USP32: variants seen among roughly 807,000 people sequenced by gnomAD.
USP32 encodes ubiquitin specific peptidase 32, also known as ubiquitin carboxyl-terminal hydrolase 32.
Under a neutral mutation model 204.8 loss-of-function variants are expected in USP32, and 59 were observed. The observed-to-expected ratio is 0.29, with a 90% confidence interval of 0.23 to 0.36. USP32 has a LOEUF of 0.36. USP32 is among the 10% of genes least tolerant of loss of function. USP32 has a pLI of 1.00. For missense variants in USP32, 1,160 were observed against 1,946.4 expected (o/e 0.60, Z 7.60); for synonymous variants, 517 against 678.4 (o/e 0.76, Z 3.70).
At chr17:60,310,428 C>T (rs542759218) in intron 2 of USP32, among the ~76,000 whole-genome samples, 5 of 152,138 alleles carry the variant, frequency 3.3e-5, no homozygotes, top group Admixed American at 6.5e-5. Context: ...AGGCTGGGTG[C>T]GGTGGTTCAC....
chr17:60,400,574 G>A (rs1029715838), intron 1 of USP32, among the ~76,000 whole-genome samples: 18 of 152,220 alleles, frequency 1.2e-4, no homozygotes, highest in African/African-American at 4.1e-4. Context: ...GTCAAGATCA[G>A]AAGCAGAGCT....
intron 27 of USP32, 87 bp downstream of exon 27, chr17:60,198,172 GC>G (rs2084572231): frequency 6.6e-7 from 1 of 1,506,098 alleles, no homozygotes; most frequent in African/African-American, 1.4e-5. Context: ...CTTGACATAG[GC>G]TGGGTCCTAT....
At chr17:60,392,531 GA>G, upstream of USP32, 1 of 376,122 alleles carries the variant, frequency 2.7e-6, no homozygotes, top group Non-Finnish European at 5.4e-6. Context: ...GGTGGGGTCC[GA>G]GCAGCTGACG....
At chr17:60,361,945 A>G (rs1214890280) in intron 1 of USP32, among the ~76,000 whole-genome samples, 1 of 152,178 alleles carries the variant, frequency 6.6e-6, no homozygotes, top group African/African-American at 2.4e-5. Context: ...ATATGTGGGT[A>G]TGTGCCTGGA....
intron 11 of USP32, among the ~76,000 whole-genome samples, chr17:60,237,311 T>C (rs2085757849): frequency 6.6e-6 from 1 of 151,152 alleles, no homozygotes; most frequent in African/African-American, 2.4e-5. Flanking sequence ...CTAATTTTTT[T>C]TTTTTTTTTT....
chr17:60,253,515 T>C (rs1196895769), intron 10 of USP32, among the ~76,000 whole-genome samples: 1 of 152,040 alleles, frequency 6.6e-6, no homozygotes, highest in Non-Finnish European at 1.5e-5. Flanking sequence ...TCTATAATCC[T>C]AGCACTTTGG....
intron 1 of USP32, among the ~76,000 whole-genome samples, chr17:60,380,220 A>G (rs897828600): frequency 2.6e-5 from 4 of 152,212 alleles, no homozygotes; most frequent in Non-Finnish European, 5.9e-5. Flanking sequence ...AAAGCAGTCT[A>G]TGGCCATACC....
intron 27 of USP32, 28 bp downstream of exon 27, chr17:60,198,232 C>A: frequency 1.2e-6 from 2 of 1,601,954 alleles, no homozygotes; most frequent in Non-Finnish European, 8.5e-7. Context: ...TTGGAAACCA[C>A]AGGTTTAGAT....
At chr17:60,211,585 T>C (rs1311401575) in intron 19 of USP32, 71 bp from the exon 20 acceptor site, 1 of 1,517,138 alleles carries the variant, frequency 6.6e-7, no homozygotes, top group South Asian at 1.4e-5. Context: ...TTACTTATAT[T>C]CAATGAAAAG....
At chr17:60,411,318 G>A (rs2090016320) in intron 1 of USP32, among the ~76,000 whole-genome samples, 1 of 137,552 alleles carries the variant, frequency 7.3e-6, no homozygotes, top group South Asian at 2.2e-4. Flanking sequence ...AAGCAAAACT[G>A]TCTCAAAAAT....
At chr17:60,292,778 TAAA>T (rs201407793) in intron 4 of USP32, among the ~76,000 whole-genome samples, 5 of 125,966 alleles carry the variant, frequency 4.0e-5, no homozygotes, top group African/African-American at 2.9e-5. Flanking sequence ...ATCATGTGTG[TAAA>T]AAAAAAAAAA....
rs981952562 is a variant in USP32, at chr17:60,267,182, C to T, written c.812-1091G>A. 4.6e-5 allele frequency among the ~76,000 whole-genome samples: 7 copies of T among 151,724 alleles called. No homozygotes were observed. In the East Asian group the frequency reaches 5.9e-4, roughly 13 times the overall value. On this transcript the variant is annotated intron_variant, in intron 7 of 33. Coordinates refer to ENST00000300896, the MANE Select transcript of USP32 (RefSeq NM_032582.4). ...CAGTACTTTGGGAGGCCGAGGTGGG[C>T]GAATCGCGAGGTCAGGAGCTCGAGA...
chr17:60,195,945 G>A (rs1339541570), intron 27 of USP32, among the ~76,000 whole-genome samples: 1 of 152,046 alleles, frequency 6.6e-6, no homozygotes, highest in African/African-American at 2.4e-5. Context: ...CCATTAAATG[G>A]TACCACCATT....
At chr17:60,182,643 G>A (rs1419315504) in intron 31 of USP32, among the ~76,000 whole-genome samples, 1 of 152,080 alleles carries the variant, frequency 6.6e-6, no homozygotes, top group African/African-American at 2.4e-5. Context: ...CATGCCTGTA[G>A]TCCCAGCTAC....
chr17:60,222,664 C>A, intron 14 of USP32, 115 bp from the exon 15 acceptor site: 1 of 878,608 alleles, frequency 1.1e-6, no homozygotes, highest in South Asian at 2.3e-5. Flanking sequence ...TTTCATGTTG[C>A]TGGAAAAACT....
intron 1 of USP32, among the ~76,000 whole-genome samples, chr17:60,398,034 A>G (rs936452114): frequency 4.6e-5 from 7 of 151,448 alleles, no homozygotes; most frequent in Admixed American, 3.3e-4. Context: ...TTTTCTTCCA[A>G]ATGGATTTGA....
rs574371980 is a variant in USP32, at chr17:60,265,593, T to C, written c.928-119A>G. On this transcript the variant is annotated intron_variant, in intron 8 of 33. Transcript: ENST00000300896. ...TTGCTTTTCTTGTAGAGATGGGGTC[T>C]CCTTACGTTGCCCAGGATTATCTCA... The C allele has an allele frequency of 3.0e-4, 200 of 676,386 alleles. No homozygotes were observed. The African/African-American group carries it at 3.4e-3, about 11-fold the overall frequency. The allele number at this position is 676,386 out of a possible 1,614,324, so 41.9% of individuals were successfully genotyped here. A position where few individuals can be genotyped will look rare whatever the true frequency, so the allele number is the denominator to read the frequency against.
chr17:60,183,267 C>G lies in USP32; in HGVS notation c.4021G>C (p.Glu1341Gln). 6.2e-7 allele frequency: 1 copy of G among 1,614,002 alleles called. No homozygotes were observed. The highest frequency in any genetic ancestry group is 8.5e-7 in the Non-Finnish European group (1 of 1,179,872). The change falls in exon 31 of 34, where the codon GAG becomes CAG. Residue 1341 changes from glutamate to glutamine, a missense_variant. By Grantham distance (29) the Glu-to-Gln change is conservative. This residue lies in a region of USP32 where 244 missense variants were observed against 342.3 expected (regional missense o/e 0.71). Coordinates refer to ENST00000300896, the MANE Select transcript of USP32 (RefSeq NM_032582.4). The stretch of plus-strand genomic sequence containing the variant: ...CTCTGCGCATCCACTTTCTTCACCT[C>G]CCTTGCCAGAATCCTGGGCTCAGAG... ...ELSEPRILAR[E>Q]VKKVDAQSSA...
At chr17:60,402,594 T>C (rs911760169) in intron 1 of USP32, among the ~76,000 whole-genome samples, 2 of 152,204 alleles carry the variant, frequency 1.3e-5, no homozygotes, top group Non-Finnish European at 2.9e-5. Context: ...GTAATCAGAA[T>C]CACGTTCCAG....
Sources: gnomAD v4.1 joint callset for allele counts (sites outside exome capture counted in the v4.1 genomes callset) on GRCh38, gnomAD v4.1.1 for gene constraint, gnomAD v4.1.1 regional missense constraint, MANE v1.5 for transcripts, NCBI Gene and HGNC (gene_info 2026-07-23, HGNC 2026-07-21) for gene names.